The following ERBB4 variants were observed in gnomAD, a reference collection of about 807,000 sequenced individuals.
ERBB4 encodes erb-b2 receptor tyrosine kinase 4, also known as receptor tyrosine-protein kinase erbB-4.
ERBB4 carries 42 observed loss-of-function variants against 158.0 expected under a neutral mutation model. That is an observed-to-expected ratio of 0.27 (90% confidence interval 0.21 to 0.34). The LOEUF (loss-of-function observed/expected upper bound fraction) is 0.34, where lower values mean the gene tolerates loss of function less well. Ranked by LOEUF, ERBB4 falls within the 10% of genes least tolerant of loss-of-function variation. The pLI is 1.00. For synonymous variants in ERBB4, 583 were observed against 558.7 expected, an observed-to-expected ratio of 1.04 and a Z score of -0.61; for missense variants, 1,333 against 1,624.1, an observed-to-expected ratio of 0.82 and a Z score of 3.08.
intron 1 of ERBB4, among the ~76,000 whole-genome samples, chr2:212,484,764 G>A (rs749179203): frequency 2.0e-5 from 3 of 151,982 alleles, no homozygotes; most frequent in Non-Finnish European, 4.4e-5. Flanking sequence ...CGACCCACAC[G>A]CCTCAAGTAT....
At chr2:211,662,174 A>C (rs1265844501) in intron 15 of ERBB4, among the ~76,000 whole-genome samples, 1 of 151,822 alleles carries the variant, frequency 6.6e-6, no homozygotes, top group Admixed American at 6.6e-5. Context: ...ATGTTCCATA[A>C]AATAACCATT....
rs1177937075 is a variant in ERBB4 at position 211,462,567 on chromosome 2, GT to G, written c.2488-31468del. Among the ~76,000 whole-genome samples the G allele has an allele frequency of 5.3e-5, 8 of 152,160 alleles. No individual in the cohort carries two copies. In the East Asian group the frequency reaches 1.5e-3, roughly 29 times the overall value. On this transcript the variant is annotated intron_variant, in intron 20 of 27. Coordinates refer to ENST00000342788, the MANE Select transcript of ERBB4 (RefSeq NM_005235.3). ...GTCCAGAAGGTGAAGGAAGAAAAGG[GT>G]TTTTTAAGGAAATGATTTGTACCCC... is the stretch of plus-strand genomic sequence containing the variant.
chr2:212,173,271 A>G (rs2081572225), intron 1 of ERBB4, among the ~76,000 whole-genome samples: 1 of 152,130 alleles, frequency 6.6e-6, no homozygotes, highest in South Asian at 2.1e-4. Flanking sequence ...CACAAAAAGA[A>G]TAGGATAGGG....
intron 4 of ERBB4, among the ~76,000 whole-genome samples, chr2:211,782,543 G>A (rs111767227): frequency 7.9e-5 from 12 of 152,272 alleles, no homozygotes; most frequent in African/African-American, 2.9e-4. Flanking sequence ...CTGGTAAGCA[G>A]CAGTGCCATG....
At chr2:212,392,053 A>C (rs988811569) in intron 1 of ERBB4, among the ~76,000 whole-genome samples, 1 of 151,680 alleles carries the variant, frequency 6.6e-6, no homozygotes, top group African/African-American at 2.4e-5. Context: ...GGCACATTTT[A>C]TTGGTTACTA....
At chr2:212,271,577 T>C (rs921665529) in intron 1 of ERBB4, among the ~76,000 whole-genome samples, 2 of 151,798 alleles carry the variant, frequency 1.3e-5, no homozygotes, top group African/African-American at 4.8e-5. Flanking sequence ...TAGTCAGTGA[T>C]TGAAAAACAT....
chr2:211,574,785 T>A (rs16846513), intron 19 of ERBB4, among the ~76,000 whole-genome samples: 8,969 of 152,262 alleles, frequency 0.059, 865 homozygotes, highest in African/African-American at 0.2. Context: ...CTAAAGAGAT[T>A]ATTAGACCTG....
intron 18 of ERBB4, among the ~76,000 whole-genome samples, chr2:211,622,858 G>A (rs2069656141): frequency 6.7e-6 from 1 of 148,366 alleles, no homozygotes; most frequent in South Asian, 2.2e-4. Flanking sequence ...AGCTACTGGG[G>A]AGGTTAAGGC....
chr2:212,320,664 AG>A (rs1310614985), intron 1 of ERBB4, among the ~76,000 whole-genome samples: 3 of 149,924 alleles, frequency 2.0e-5, no homozygotes, highest in African/African-American at 7.3e-5. Context: ...GGACACAGAA[AG>A]CCAGGGCTAA....
intron 3 of ERBB4, among the ~76,000 whole-genome samples, chr2:211,793,171 G>T (rs2076313475): frequency 6.6e-6 from 1 of 151,748 alleles, no homozygotes; most frequent in Non-Finnish European, 1.5e-5. Flanking sequence ...CCAAAATAAA[G>T]ATTATAATTT....
intron 20 of ERBB4, 45 bp from the exon 21 acceptor site, chr2:211,431,145 G>GT (rs2063741268): frequency 1.3e-5 from 21 of 1,580,782 alleles, no homozygotes; most frequent in Non-Finnish European, 1.8e-5. Flanking sequence ...TAATGCCCAG[G>GT]TTTTCCCATT....
chr2:212,255,799 T>C (rs1171143274), intron 1 of ERBB4, among the ~76,000 whole-genome samples: 1 of 151,910 alleles, frequency 6.6e-6, no homozygotes, highest in Non-Finnish European at 1.5e-5. Flanking sequence ...TTCAAATCAC[T>C]GGGTAGGTGC....
At chr2:212,391,454 C>T (rs2090851714) in intron 1 of ERBB4, among the ~76,000 whole-genome samples, 1 of 150,578 alleles carries the variant, frequency 6.6e-6, no homozygotes, top group Non-Finnish European at 1.5e-5. Context: ...TATGTTCTCT[C>T]ATCAAAGTAA....
chr2:212,124,670 G>C (rs1037093586), intron 2 of ERBB4, 82 bp downstream of exon 2: 2 of 1,485,204 alleles, frequency 1.3e-6, no homozygotes, highest in Non-Finnish European at 1.9e-6. Flanking sequence ...ACCCCTTCCA[G>C]GTATCAGCAC....
intron 2 of ERBB4, among the ~76,000 whole-genome samples, chr2:211,964,926 T>C (rs961699738): frequency 6.6e-6 from 1 of 152,192 alleles, no homozygotes; most frequent in Non-Finnish European, 1.5e-5. Context: ...CTGTGCTCAC[T>C]GTTCTTTTTT....
At position 211,935,201 on chromosome 2, in the gene ERBB4, G is replaced by T. The variant is rs552871148; in HGVS notation, c.421+12229C>A. Reference sequence around the variant, plus strand: ...AGTTTACTTATCTTCAAAATAGAAAGAATCATAGTAACCTACAGTGATGGT... The same window carrying T: ...AGTTTACTTATCTTCAAAATAGAAATAATCATAGTAACCTACAGTGATGGT... On this transcript the variant is annotated intron_variant, in intron 3 of 27. Coordinates refer to ENST00000342788, the MANE Select transcript of ERBB4 (RefSeq NM_005235.3). 5.3e-5 allele frequency among the ~76,000 whole-genome samples: 8 copies of T among 152,214 alleles called. No individual in the cohort carries two copies. The South Asian group carries it at 1.2e-3, about 24-fold the overall frequency.
At chr2:212,220,112 C>G (rs867456099) in intron 1 of ERBB4, among the ~76,000 whole-genome samples, 1 of 148,028 alleles carries the variant, frequency 6.8e-6, no homozygotes, top group South Asian at 2.1e-4. Flanking sequence ...TGTAGCATTT[C>G]AAAGATCAAG....
rs1265057935 is a variant in ERBB4, at chr2:211,772,957, T to TA, written c.556+15067_556+15068insT. ...TATATATATATATATATATATATAT[T>TA]TTTTTTTTTAAAGATGGGGTCCTAC... On this transcript the variant is annotated intron_variant, in intron 4 of 27. Coordinates refer to ENST00000342788, the MANE Select transcript of ERBB4 (RefSeq NM_005235.3). 9.7e-4 allele frequency among the ~76,000 whole-genome samples: 111 copies of TA among 113,886 alleles called. 4 individuals are homozygous for TA. Among genetic ancestry groups the TA allele is most frequent in the Middle Eastern group, 9.0e-3 (2 of 222 alleles). The allele number at this position is 113,886 out of a possible 152,430, so 74.7% of individuals were successfully genotyped here. A position where few individuals can be genotyped will look rare whatever the true frequency, so the allele number is the denominator to read the frequency against.
intron 9 of ERBB4, 134 bp downstream of exon 9, chr2:211,711,916 C>A: frequency 5.4e-6 from 4 of 744,044 alleles, no homozygotes; most frequent in Admixed American, 4.8e-5. Flanking sequence ...CAGGCCCCTG[C>A]TTTTGTTGGT....
Sources: gnomAD v4.1 joint callset for allele counts (sites outside exome capture counted in the v4.1 genomes callset) on GRCh38, gnomAD v4.1.1 for gene constraint, MANE v1.5 for transcripts, NCBI Gene and HGNC (gene_info 2026-07-23, HGNC 2026-07-21) for gene names.